Variants in CCL17 observed in about 807,000 individuals in gnomAD.
The protein encoded by CCL17 is C-C motif chemokine 17.
CCL17 carries 8 observed loss-of-function variants against 7.4 expected under a neutral mutation model. That is an observed-to-expected ratio of 1.09 (90% CI 0.64 to 1.96). The LOEUF (loss-of-function observed/expected upper bound fraction) is 1.96. CCL17 is among the 30% of genes most tolerant of loss of function. The pLI, the probability that CCL17 is intolerant of heterozygous loss-of-function variation, is 0.00. For synonymous variants in CCL17, 40 were observed against 46.1 expected (o/e 0.87, Z 0.54); for missense variants, 102 against 113.0 (o/e 0.90, Z 0.44).
At position 57,409,975 on chromosome 16, in the gene CCL17, C is replaced by T. The variant is rs148297046; in HGVS notation, c.-59-3899C>T. On this transcript the variant is annotated intron_variant, in intron 1 of 3. Coordinates refer to ENST00000219244, the MANE Select transcript of CCL17 (RefSeq NM_002987.3). ...ATGCTCAATCCTTACTGAGCTGCTC[C>T]GGGAGACCTCGGGCAAGTCACTGCC... Among the ~76,000 whole-genome samples the T allele has an allele frequency of 1.1e-3, 162 of 152,298 alleles. 1 individual carries two copies. The highest frequency in any genetic ancestry group is 3.5e-3 in the African/African-American group (146 of 41,564).
In CCL17 at chr16:57,413,926, T is replaced by C. The variant is rs1281369204; in HGVS notation, c.-7T>C. On this transcript the variant is annotated 5_prime_UTR_variant, in exon 2 of 4. Transcript: ENST00000219244. ...ACACAGAGACTCCCTCCTGGGCTCC[T>C]GGCACCATGGCCCCACTGAAGATGC... 1.2e-6 allele frequency: 2 copies of C among 1,604,536 alleles called. No homozygotes were observed. Among genetic ancestry groups the C allele is most frequent in the Non-Finnish European group, 1.7e-6 (2 of 1,175,752 alleles).
chr16:57,415,193 C>A lies in CCL17; in HGVS notation c.183C>A (p.Ala61=). The change falls in exon 3 of 4, where the codon GCC becomes GCA. Residue 61 remains alanine (A), a synonymous_variant. Transcript: ENST00000219244. The surrounding 1 kb of genome is among the most constrained non-coding windows in gnomAD (Gnocchi z 4.5). ...CATCTGAGGACTGCTCCAGGGATGCCATCGTGTAAGTCCCCCTGGCTCCAC... is the reference window on the plus strand; with the variant it reads ...CATCTGAGGACTGCTCCAGGGATGCAATCGTGTAAGTCCCCCTGGCTCCAC... ...YQTSEDCSRD[A]IVFVTVQGRA... 6.2e-7 allele frequency: 1 copy of A among 1,600,194 alleles called. No individual in the cohort carries two copies. The highest frequency in any genetic ancestry group is 1.1e-5 in the South Asian group (1 of 90,824).
upstream of CCL17, among the ~76,000 whole-genome samples, chr16:57,401,043 C>A (rs1310739865): frequency 5.3e-5 from 8 of 150,754 alleles, no homozygotes; most frequent in Non-Finnish European, 8.9e-5. Flanking sequence ...CTCCAGACAC[C>A]CTTCTTCTTC....
At chr16:57,410,266 C>T (rs1289017006) in intron 1 of CCL17, among the ~76,000 whole-genome samples, 1 of 152,202 alleles carries the variant, frequency 6.6e-6, no homozygotes, top group Admixed American at 6.5e-5. Flanking sequence ...TCTGCCTGGC[C>T]CAGTGCCCTC....
At chr16:57,407,477 G>T (rs967450376) in intron 1 of CCL17, among the ~76,000 whole-genome samples, 1 of 152,150 alleles carries the variant, frequency 6.6e-6, no homozygotes, top group Admixed American at 6.5e-5. Flanking sequence ...GAGGCCCTGG[G>T]ATAGAATGTG....
upstream of CCL17, among the ~76,000 whole-genome samples, chr16:57,400,918 A>G (rs1433978311): frequency 2.0e-5 from 3 of 151,916 alleles, no homozygotes; most frequent in African/African-American, 7.3e-5. Flanking sequence ...CAGTGAGTCG[A>G]GACCATGCCA....
In CCL17 at chr16:57,415,929, C is replaced by T. The variant is rs753984507; in HGVS notation, c.*68C>T. On this transcript the variant is annotated 3_prime_UTR_variant, in exon 4 of 4. Coordinates refer to ENST00000219244, the MANE Select transcript of CCL17 (RefSeq NM_002987.3). This position sits in a 1 kb window ranked among gnomAD's most constrained non-coding sequence, Gnocchi z 4.5. Reference sequence around the variant, plus strand: ...TGGGACCTCCACCGTTGGTGTTCACCGCCCCCACCCTGAGCGCCTGGGTCC... The same window carrying T: ...TGGGACCTCCACCGTTGGTGTTCACTGCCCCCACCCTGAGCGCCTGGGTCC... 1.3e-4 allele frequency: 133 copies of T among 1,053,872 alleles called. No individual in the cohort carries two copies. The highest frequency in any genetic ancestry group is 2.1e-4 in the Admixed American group (12 of 56,164). 65.3% of individuals were successfully genotyped at this position (1,053,872 alleles called of 1,614,324 possible).
intron 1 of CCL17, among the ~76,000 whole-genome samples, chr16:57,406,646 A>C (rs1194036950): frequency 2.0e-5 from 3 of 152,150 alleles, no homozygotes; most frequent in Non-Finnish European, 4.4e-5. Context: ...TGGGAGGAGC[A>C]TCAAGAAGGA....
At chr16:57,400,281 C>A (rs1902573870), upstream of CCL17, among the ~76,000 whole-genome samples, 2 of 151,948 alleles carry the variant, frequency 1.3e-5, no homozygotes, top group South Asian at 4.2e-4. Context: ...ATGGCGTGAA[C>A]CCGAGAGGCG....
chr16:57,402,510 C>T (rs1289272196), upstream of CCL17, among the ~76,000 whole-genome samples: 1 of 152,194 alleles, frequency 6.6e-6, no homozygotes, highest in African/African-American at 2.4e-5. Context: ...GAGCAGAGGA[C>T]TTCTGAGTTC....
intron 1 of CCL17, among the ~76,000 whole-genome samples, chr16:57,408,999 C>A (rs1902743578): frequency 1.3e-5 from 2 of 152,154 alleles, no homozygotes; most frequent in Admixed American, 6.5e-5. Context: ...TGTGAGCCAC[C>A]AAACTGGCCT....
At chr16:57,401,451 G>A (rs1176913156), upstream of CCL17, among the ~76,000 whole-genome samples, 1 of 151,578 alleles carries the variant, frequency 6.6e-6, no homozygotes, top group East Asian at 1.9e-4. Flanking sequence ...TTGAACCCTG[G>A]AGGTAGAGGT....
At chr16:57,402,053 G>T (rs1291102747), upstream of CCL17, among the ~76,000 whole-genome samples, 1 of 152,248 alleles carries the variant, frequency 6.6e-6, no homozygotes, top group Non-Finnish European at 1.5e-5. Context: ...AGCCAAGTGT[G>T]GTTCAGGCGA....
In CCL17 at chr16:57,415,748, G is replaced by T. The variant is rs371234255; in HGVS notation, c.189-17G>T. On this transcript the variant is annotated splice_polypyrimidine_tract_variant and intron_variant, in intron 3 of 3. Transcript: ENST00000219244. This position sits in a 1 kb window ranked among gnomAD's most constrained non-coding sequence, Gnocchi z 4.5. The stretch of plus-strand genomic sequence containing the variant: ...TTCCCCCCCTGCCACTCCTGGTAAC[G>T]TCCTCCTTCTGTGTAGTTTTGTAAC... The T allele has an allele frequency of 8.3e-6, 13 of 1,561,894 alleles. No homozygotes were observed. In the African/African-American group the frequency reaches 1.6e-4, roughly 20 times the overall value.
chr16:57,412,660 G>A (rs777800089), intron 1 of CCL17, among the ~76,000 whole-genome samples: 26 of 152,188 alleles, frequency 1.7e-4, no homozygotes, highest in African/African-American at 3.9e-4. Context: ...GCAAGGACAG[G>A]ATGAAGCCAG....
At chr16:57,398,610 A>G in the CCL17 span, among the ~76,000 whole-genome samples, 34 of 152,332 alleles carry the variant, frequency 2.2e-4, no homozygotes, top group African/African-American at 8.2e-4. Flanking sequence ...TTAATGTCTT[A>G]GGGTGAGGAT....
At chr16:57,412,833 G>T (rs947101838) in intron 1 of CCL17, among the ~76,000 whole-genome samples, 2 of 152,176 alleles carry the variant, frequency 1.3e-5, no homozygotes, top group Admixed American at 6.5e-5. Flanking sequence ...CAATTTCCTC[G>T]GGTGGCCAGG....
At chr16:57,407,285 C>T (rs1204640706) in intron 1 of CCL17, among the ~76,000 whole-genome samples, 1 of 152,048 alleles carries the variant, frequency 6.6e-6, no homozygotes, top group Non-Finnish European at 1.5e-5. Context: ...GAGATCCAAG[C>T]CACAGTTGAA....
In CCL17 at chr16:57,415,120, ACTT is replaced by A. The variant is rs766366301; in HGVS notation, c.112_114del (p.Phe38del). 6.2e-7 allele frequency: 1 copy of A among 1,613,982 alleles called. No individual in the cohort carries two copies. The highest frequency in any genetic ancestry group is 2.2e-5 in the East Asian group (1 of 44,870). On this transcript the variant is annotated inframe_deletion, in exon 3 of 4. Transcript: ENST00000219244. This position sits in a 1 kb window ranked among gnomAD's most constrained non-coding sequence, Gnocchi z 4.5. ...GTGGGCCGGGAGTGCTGCCTGGAGT[ACTT>A]CAAGGGAGCCATTCCCCTTAGAAAG... is the stretch of plus-strand genomic sequence containing the variant.
Sources: allele counts gnomAD v4.1 joint callset (sites outside exome capture counted in the v4.1 genomes callset), GRCh38; gene constraint gnomAD v4.1.1; non-coding constraint Gnocchi (gnomAD v3.1); transcripts MANE v1.5; gene names NCBI Gene and HGNC (gene_info 2026-07-23, HGNC 2026-07-21).